Variants in CENPK observed in about 807,000 individuals in gnomAD.
CENPK encodes SoxLZ/Sox6-binding protein Solt.
CENPK carries 46 observed loss-of-function variants against 40.9 expected under a neutral mutation model. The observed-to-expected ratio is 1.13, with a 90% CI of 0.89 to 1.44. The LOEUF is 1.44. Among genes scored for constraint, CENPK ranks in the 40% most tolerant of loss-of-function variants. The pLI is 0.00. For synonymous variants in CENPK, 107 were observed against 104.4 expected, an observed-to-expected ratio of 1.02 and a Z score of -0.15; for missense variants, 288 against 303.5, an observed-to-expected ratio of 0.95 and a Z score of 0.38.
intron 3 of CENPK, 33 bp downstream of exon 3, chr5:65,554,764 T>C (rs1300267507): frequency 4.5e-6 from 5 of 1,099,750 alleles, no homozygotes; most frequent in East Asian, 2.4e-5. Flanking sequence ...TTAAATCTTA[T>C]ATTAACTATC....
chr5:65,546,233 C>A (rs1262465565), intron 5 of CENPK, among the ~76,000 whole-genome samples: 1 of 125,666 alleles, frequency 8.0e-6, no homozygotes, highest in Non-Finnish European at 1.7e-5. Context: ...CCCCTGCCCC[C>A]CCGCTCAGGT....
chr5:65,526,204 A>G (rs11958387), intron 9 of CENPK, among the ~76,000 whole-genome samples: 61,809 of 151,968 alleles, frequency 0.41, 12,926 homozygotes, highest in East Asian at 0.65. Flanking sequence ...CAACAAAAAA[A>G]TGTTGAAAAA....
intron 6 of CENPK, among the ~76,000 whole-genome samples, chr5:65,533,997 C>G (rs6898710): frequency 0.42 from 59,470 of 141,610 alleles, 12,363 homozygotes; most frequent in East Asian, 0.66. Context: ...GCAGTGAGCT[C>G]AGATGGCACC....
intron 3 of CENPK, among the ~76,000 whole-genome samples, chr5:65,554,544 CATAAT>C (rs891503342): frequency 1.3e-5 from 2 of 152,156 alleles, no homozygotes; most frequent in Admixed American, 1.3e-4. Context: ...TGTATTACAA[CATAAT>C]ATAATGGCTG....
At chr5:65,552,141 G>A (rs951293784) in intron 4 of CENPK, among the ~76,000 whole-genome samples, 3 of 151,788 alleles carry the variant, frequency 2.0e-5, no homozygotes, top group African/African-American at 7.2e-5. Flanking sequence ...TTTGTACTTT[G>A]GTAGCGACGG....
intron 10 of CENPK, among the ~76,000 whole-genome samples, chr5:65,521,234 C>G (rs1004787832): frequency 1.3e-5 from 2 of 151,890 alleles, no homozygotes; most frequent in African/African-American, 4.8e-5. Flanking sequence ...ATCTTGGGAA[C>G]ATGATTAAGA....
chr5:65,514,236 T>A (rs1742695057), downstream of CENPK, among the ~76,000 whole-genome samples: 2 of 16,870 alleles, frequency 1.2e-4, no homozygotes, highest in African/African-American at 2.7e-4. Context: ...TAATCTTTTT[T>A]TTTTTTTTTT....
At chr5:65,517,196 G>A (rs1742922037), downstream of CENPK, among the ~76,000 whole-genome samples, 1 of 152,066 alleles carries the variant, frequency 6.6e-6, no homozygotes, top group South Asian at 2.1e-4. Context: ...GCCCACCTCG[G>A]CCTCCCAAAG....
chr5:65,560,260 T>G (rs941999330), intron 2 of CENPK, among the ~76,000 whole-genome samples: 1 of 151,936 alleles, frequency 6.6e-6, no homozygotes, highest in Non-Finnish European at 1.5e-5. Context: ...CTAATTTCCT[T>G]AATATATAAC....
At chr5:65,510,307 G>A in the CENPK span, among the ~76,000 whole-genome samples, 1 of 152,182 alleles carries the variant, frequency 6.6e-6, no homozygotes, top group African/African-American at 2.4e-5. Flanking sequence ...CAGCCTTATT[G>A]CTGATCAATG....
At chr5:65,535,266 C>T (rs1746664135) in intron 6 of CENPK, among the ~76,000 whole-genome samples, 1 of 152,102 alleles carries the variant, frequency 6.6e-6, no homozygotes, top group Non-Finnish European at 1.5e-5. Context: ...GGTGAAAAGA[C>T]AGTTGTGCAG....
At chr5:65,532,437 A>G (rs920526811) in intron 6 of CENPK, among the ~76,000 whole-genome samples, 4 of 152,148 alleles carry the variant, frequency 2.6e-5, no homozygotes, top group African/African-American at 7.2e-5. Context: ...AAGCCTAACA[A>G]AGACATCACA....
At chr5:65,548,029 T>G (rs1343244060) in intron 5 of CENPK, among the ~76,000 whole-genome samples, 3 of 151,976 alleles carry the variant, frequency 2.0e-5, no homozygotes, top group Non-Finnish European at 2.9e-5. Flanking sequence ...AAGGGAAGCA[T>G]GGGGTGGAGA....
intron 2 of CENPK, among the ~76,000 whole-genome samples, chr5:65,556,910 TGTA>T (rs1751078258): frequency 6.6e-6 from 1 of 152,246 alleles, no homozygotes; most frequent in Non-Finnish European, 1.5e-5. Flanking sequence ...AGCCTAGGTA[TGTA>T]GTAGGTTATA....
At chr5:65,500,471 T>C in the CENPK span, among the ~76,000 whole-genome samples, 2 of 149,386 alleles carry the variant, frequency 1.3e-5, no homozygotes, top group Non-Finnish European at 3.0e-5. Flanking sequence ...TGTCTTCTTT[T>C]GAGAAGTGTC....
Position 65,552,510 on chromosome 5 carries a change from T to C in CENPK, c.151A>G (p.Thr51Ala). Reference protein sequence around the residue: ...KLSLIGTETLTDSNAQLSLLI... With the variant: ...KLSLIGTETLADSNAQLSLLI... ...ATTCATACCTGAGCATTTGAATCGG[T>C]GAGTGTTTCAGTTCCAATAAGTGAT... The change falls in exon 4 of 11, where the codon ACC (threonine) becomes GCC (alanine). Residue 51 changes from threonine to alanine, a missense_variant. Coordinates refer to ENST00000396679, the MANE Select transcript of CENPK (RefSeq NM_022145.5). 1 of 1,563,774 alleles carries C rather than the reference T, an allele frequency of 6.4e-7. No homozygotes were observed. The highest frequency in any genetic ancestry group is 8.6e-7 in the Non-Finnish European group (1 of 1,157,248).
At position 65,551,093 on chromosome 5, in the gene CENPK, A is replaced by C. The variant is rs185687945; in HGVS notation, c.241+471T>G. The C allele has an allele frequency of 1.6e-4, 50 of 321,056 alleles. No homozygotes were observed. The East Asian group carries it at 6.1e-3, about 39-fold the overall frequency. The allele number at this position is 321,056 out of a possible 1,614,324, so 19.9% of individuals were successfully genotyped here. ...CCCGTCTCTACAAAAAAATACAAAA[A>C]CCAACCACTAACCAAGCATGGTGGC... On this transcript the variant is annotated intron_variant, in intron 5 of 10. Coordinates refer to ENST00000396679, the MANE Select transcript of CENPK (RefSeq NM_022145.5).
rs753650693 is a variant in CENPK, at chr5:65,518,440, A to C, written c.*35T>G. ...GTGGTTCCAATATCCTTGAATGATAAGAATTTTTACTGTGTGAAAAAAGAA... is the reference window on the plus strand; with the variant it reads ...GTGGTTCCAATATCCTTGAATGATACGAATTTTTACTGTGTGAAAAAAGAA... On this transcript the variant is annotated 3_prime_UTR_variant, in exon 11 of 11. Coordinates refer to ENST00000396679, the MANE Select transcript of CENPK (RefSeq NM_022145.5). 11 of 1,583,592 alleles carry C rather than the reference A, an allele frequency of 6.9e-6. No individual in the cohort carries two copies. In the East Asian group the frequency reaches 2.5e-4, roughly 36 times the overall value.
chr5:65,530,549 T>A (rs374836611), intron 6 of CENPK, among the ~76,000 whole-genome samples: 2 of 152,212 alleles, frequency 1.3e-5, no homozygotes, highest in East Asian at 3.8e-4. Flanking sequence ...TAAAGAGAAT[T>A]ACAATAAGCA....
Sources: gnomAD v4.1 joint callset for allele counts (sites outside exome capture counted in the v4.1 genomes callset) on GRCh38, gnomAD v4.1.1 for gene constraint, MANE v1.5 for transcripts, NCBI Gene and HGNC (gene_info 2026-07-23, HGNC 2026-07-21) for gene names.